Variants in FHIT observed in about 807,000 individuals in gnomAD.
The protein encoded by FHIT is bis(5'-adenosyl)-triphosphatase.
A neutral mutation model predicts 17.9 loss-of-function variants in FHIT; 19 were observed. The observed-to-expected ratio is 1.06, with a 90% CI of 0.74 to 1.56. The LOEUF (loss-of-function observed/expected upper bound fraction) is 1.56, where lower values mean the gene tolerates loss of function less well. Among genes scored for constraint, FHIT ranks in the 40% most tolerant of loss-of-function variants. FHIT has a pLI of 0.00. For synonymous variants in FHIT, 81 were observed against 69.7 expected (o/e 1.16, Z -0.81); for missense variants, 248 against 189.2 (o/e 1.31, Z -1.82).
In FHIT at chr3:59,995,017, T is replaced by A. The variant is rs1699448918; in HGVS notation, c.279+16354A>T. 1.3e-5 allele frequency among the ~76,000 whole-genome samples: 2 copies of A among 152,024 alleles called. 1 individual carries two copies. The highest frequency in any genetic ancestry group is 4.1e-4 in the South Asian group (2 of 4,830). On this transcript the variant is annotated intron_variant, in intron 7 of 9. Coordinates refer to ENST00000492590, the MANE Select transcript of FHIT (RefSeq NM_002012.4). The stretch of plus-strand genomic sequence containing the variant: ...GGGTACGAAAGGAGAGAGGCTCTGC[T>A]AGAGCAGCAAAGAACCATCGATCTC...
chr3:60,765,899 T>A (rs782749124), intron 4 of FHIT, among the ~76,000 whole-genome samples: 4 of 152,154 alleles, frequency 2.6e-5, no homozygotes, highest in Non-Finnish European at 4.4e-5. Flanking sequence ...CCTCCTCCCA[T>A]CCCTCCTGCC....
At chr3:60,975,168 A>G (rs1174283250) in intron 3 of FHIT, among the ~76,000 whole-genome samples, 2 of 152,188 alleles carry the variant, frequency 1.3e-5, no homozygotes, top group African/African-American at 4.8e-5. Flanking sequence ...TACTCATGGC[A>G]TTTAATTAGG....
At chr3:61,250,330 G>A (rs2040590707) in intron 1 of FHIT, among the ~76,000 whole-genome samples, 1 of 152,240 alleles carries the variant, frequency 6.6e-6, no homozygotes, top group African/African-American at 2.4e-5. Flanking sequence ...ACCACCCTTG[G>A]TAGTCTGGGC....
intron 2 of FHIT, among the ~76,000 whole-genome samples, chr3:61,063,756 C>T (rs1032784890): frequency 6.6e-6 from 1 of 152,102 alleles, no homozygotes; most frequent in African/African-American, 2.4e-5. Context: ...GCAATACTCT[C>T]ATGTGTGTAT....
intron 5 of FHIT, among the ~76,000 whole-genome samples, chr3:60,397,485 T>G (rs1008981891): frequency 1.3e-5 from 2 of 151,854 alleles, no homozygotes; most frequent in African/African-American, 4.8e-5. Flanking sequence ...AAGGAAGGAG[T>G]CTATGCTAAC....
intron 7 of FHIT, among the ~76,000 whole-genome samples, chr3:59,978,426 T>C (rs1029107031): frequency 2.0e-5 from 3 of 151,940 alleles, no homozygotes; most frequent in Non-Finnish European, 4.4e-5. Flanking sequence ...AGTCCCAAAA[T>C]CACTCATGTA....
intron 5 of FHIT, among the ~76,000 whole-genome samples, chr3:60,156,561 C>T (rs1231936759): frequency 1.3e-5 from 2 of 151,832 alleles, no homozygotes; most frequent in South Asian, 2.1e-4. Context: ...ACAACCTAGG[C>T]AACATAGTGA....
intron 8 of FHIT, among the ~76,000 whole-genome samples, chr3:59,917,468 T>C (rs13088815): frequency 0.087 from 13,262 of 152,268 alleles, 799 homozygotes; most frequent in Middle Eastern, 0.17. Context: ...CTCCCCCACA[T>C]TGGCTATACA....
Position 59,977,256 on chromosome 3 carries a change from C to T in FHIT, c.279+34115G>A, listed in dbSNP as rs527988379. Among the ~76,000 whole-genome samples the T allele has an allele frequency of 2.0e-5, 3 of 152,246 alleles. No individual in the cohort carries two copies. In the South Asian group the frequency reaches 6.2e-4, roughly 32 times the overall value. ...GTCCTGACTTAGCCACTAGGCAAGTCCCCCAGACTCCAGCCTGCGGTTGCT... is the reference window on the plus strand; with the variant it reads ...GTCCTGACTTAGCCACTAGGCAAGTTCCCCAGACTCCAGCCTGCGGTTGCT... On this transcript the variant is annotated intron_variant, in intron 7 of 9. Coordinates refer to ENST00000492590, the MANE Select transcript of FHIT (RefSeq NM_002012.4).
At chr3:59,827,553 G>A (rs1701018946) in intron 8 of FHIT, among the ~76,000 whole-genome samples, 1 of 152,210 alleles carries the variant, frequency 6.6e-6, no homozygotes, top group African/African-American at 2.4e-5. Context: ...TATGCTAAGT[G>A]CTTTACAGGC....
At chr3:60,864,794 G>A (rs527262335) in intron 3 of FHIT, among the ~76,000 whole-genome samples, 1 of 152,130 alleles carries the variant, frequency 6.6e-6, no homozygotes, top group East Asian at 1.9e-4. Flanking sequence ...TCTTAGGAAC[G>A]CAGTGTATAG....
At chr3:60,944,753 T>C (rs189273203) in intron 3 of FHIT, among the ~76,000 whole-genome samples, 1 of 152,280 alleles carries the variant, frequency 6.6e-6, no homozygotes. Context: ...ATTTTTCAAA[T>C]AGAGAAAAGT....
chr3:60,713,729 C>T (rs1286898288), intron 4 of FHIT, among the ~76,000 whole-genome samples: 31 of 152,196 alleles, frequency 2.0e-4, no homozygotes, highest in South Asian at 1.5e-3. Flanking sequence ...CTAAACGAAA[C>T]GAGGAAGAAG....
At chr3:60,120,585 G>T (rs573895467) in intron 5 of FHIT, among the ~76,000 whole-genome samples, 2 of 152,250 alleles carry the variant, frequency 1.3e-5, no homozygotes, top group South Asian at 4.1e-4. Flanking sequence ...ATTTACTGTA[G>T]GGTTGAGAAT....
chr3:61,155,401 A>C (rs774672810), intron 2 of FHIT, among the ~76,000 whole-genome samples: 1 of 151,468 alleles, frequency 6.6e-6, no homozygotes, highest in Non-Finnish European at 1.5e-5. Flanking sequence ...CAAATAGAAC[A>C]GAAATAAACA....
At chr3:60,061,681 T>A (rs1475058699) in intron 5 of FHIT, among the ~76,000 whole-genome samples, 3 of 152,222 alleles carry the variant, frequency 2.0e-5, no homozygotes, top group Admixed American at 6.5e-5. Flanking sequence ...GCAAGTCAAG[T>A]AAACAGAGAG....
chr3:60,778,127 T>A (rs1700267799), intron 4 of FHIT, among the ~76,000 whole-genome samples: 1 of 152,212 alleles, frequency 6.6e-6, no homozygotes, highest in South Asian at 2.1e-4. Context: ...ATAATGCCAA[T>A]ATATGTTCCA....
chr3:59,814,454 T>C (rs926836354), intron 8 of FHIT, among the ~76,000 whole-genome samples: 1 of 152,208 alleles, frequency 6.6e-6, no homozygotes, highest in African/African-American at 2.4e-5. Flanking sequence ...AAGAATGTGA[T>C]AAAGCTTAAG....
intron 8 of FHIT, among the ~76,000 whole-genome samples, chr3:59,871,813 T>A (rs1376780780): frequency 6.6e-6 from 1 of 152,202 alleles, no homozygotes; most frequent in East Asian, 1.9e-4. Context: ...CTCACAAGTA[T>A]CCACATTTAA....
Sources: allele counts gnomAD v4.1 joint callset (sites outside exome capture counted in the v4.1 genomes callset), GRCh38; gene constraint gnomAD v4.1.1; transcripts MANE v1.5; gene names NCBI Gene and HGNC (gene_info 2026-07-23, HGNC 2026-07-21).